The following MGMT variants were observed in gnomAD, a reference collection of about 807,000 sequenced individuals.
MGMT encodes methylated-DNA--protein-cysteine methyltransferase.
A neutral mutation model predicts 15.9 loss-of-function variants in MGMT; 14 were observed. The observed-to-expected ratio is 0.88, with a 90% CI of 0.58 to 1.37. MGMT has a LOEUF of 1.37. MGMT is among the 40% of genes most tolerant of loss of function. MGMT has a pLI of 0.00. For synonymous variants in MGMT, 130 were observed against 118.2 expected (o/e 1.10, Z -0.65); for missense variants, 282 against 268.1 (o/e 1.05, Z -0.36).
chr10:129,728,567 C>T (rs77506100), intron 3 of MGMT, among the ~76,000 whole-genome samples: 1,746 of 152,188 alleles, frequency 0.011, 21 homozygotes, highest in South Asian at 0.041. Context: ...TCTCATGGCC[C>T]GCTGTGTGGC....
At chr10:129,569,237 C>G (rs201544093) in intron 2 of MGMT, among the ~76,000 whole-genome samples, 1 of 151,938 alleles carries the variant, frequency 6.6e-6, no homozygotes, top group East Asian at 1.9e-4. Flanking sequence ...ACACCTGGCC[C>G]GGCTCCGGCG....
chr10:129,598,963 A>G (rs1013637848), intron 2 of MGMT, among the ~76,000 whole-genome samples: 1 of 152,008 alleles, frequency 6.6e-6, no homozygotes, highest in Non-Finnish European at 1.5e-5. Flanking sequence ...TCCCTTTTTT[A>G]TGTTCTTCTC....
intron 1 of MGMT, among the ~76,000 whole-genome samples, chr10:129,472,013 C>A (rs1050475732): frequency 6.6e-5 from 10 of 152,208 alleles, no homozygotes; most frequent in Non-Finnish European, 1.5e-4. Flanking sequence ...AAAACTTTGG[C>A]GTCAGTTTTA....
At chr10:129,631,433 A>G (rs1014708756) in intron 2 of MGMT, among the ~76,000 whole-genome samples, 8 of 152,264 alleles carry the variant, frequency 5.3e-5, no homozygotes, top group African/African-American at 1.9e-4. Flanking sequence ...GGTTGTTTAC[A>G]TTAATAACAA....
intron 3 of MGMT, among the ~76,000 whole-genome samples, chr10:129,741,646 C>T (rs531827813): frequency 6.6e-6 from 1 of 152,212 alleles, no homozygotes; most frequent in Admixed American, 6.5e-5. Context: ...CCACTGTGTT[C>T]GAGGAGGGAC....
At chr10:129,676,176 G>T (rs1847783555) in intron 2 of MGMT, among the ~76,000 whole-genome samples, 1 of 152,216 alleles carries the variant, frequency 6.6e-6, no homozygotes, top group African/African-American at 2.4e-5. Flanking sequence ...GGCAAGGCTG[G>T]ACTCACCCCC....
chr10:129,764,953 G>A (rs1351345721), intron 4 of MGMT, among the ~76,000 whole-genome samples: 1 of 152,024 alleles, frequency 6.6e-6, no homozygotes, highest in Non-Finnish European at 1.5e-5. Flanking sequence ...GGCAGTAAGC[G>A]ATCGTTAGGC....
At chr10:129,612,170 T>G (rs1006515199) in intron 2 of MGMT, among the ~76,000 whole-genome samples, 1 of 152,222 alleles carries the variant, frequency 6.6e-6, no homozygotes, top group Non-Finnish European at 1.5e-5. Context: ...TGAGTTTCTC[T>G]AAAGACCTGA....
chr10:129,467,261 C>T lies in MGMT; in HGVS notation c.-48C>T, dbSNP rs1285314333. ...CCTAGAACGCTTTGCGTCCCGACGCCCGCAGGTCCTCGCGGTGCGCACCGT... is the reference window on the plus strand; with the variant it reads ...CCTAGAACGCTTTGCGTCCCGACGCTCGCAGGTCCTCGCGGTGCGCACCGT... On this transcript the variant is annotated 5_prime_UTR_variant, in exon 1 of 5. Transcript: ENST00000651593. 3.9e-6 allele frequency: 6 copies of T among 1,544,976 alleles called. No individual in the cohort carries two copies. Among genetic ancestry groups the T allele is most frequent in the Admixed American group, 4.0e-5 (2 of 50,358 alleles).
chr10:129,691,089 G>A (rs879931538), intron 2 of MGMT, among the ~76,000 whole-genome samples: 3 of 152,234 alleles, frequency 2.0e-5, no homozygotes, highest in Non-Finnish European at 4.4e-5. Context: ...CATGGAGTGC[G>A]GGAGAACTTG....
At chr10:129,561,641 T>C (rs1351994382) in intron 2 of MGMT, among the ~76,000 whole-genome samples, 4 of 152,232 alleles carry the variant, frequency 2.6e-5, no homozygotes, top group Non-Finnish European at 4.4e-5. Context: ...CATGTAATTA[T>C]GCATGGAGAG....
rs1385002175 is a variant in MGMT, at chr10:129,769,942, C to T, written c.*2945C>T. Among the ~76,000 whole-genome samples, 2 of 152,116 alleles carry T rather than the reference C, an allele frequency of 1.3e-5. No homozygotes were observed. Among genetic ancestry groups the T allele is most frequent in the Non-Finnish European group, 2.9e-5 (2 of 68,030 alleles). ...TTCCAGATGTGAAGGTTGCAGGCAC[C>T]GGGCGTTGCAGAGGAAGTGGGCAAG... On this transcript the variant is annotated 3_prime_UTR_variant, in exon 5 of 5. Coordinates refer to ENST00000651593, the MANE Select transcript of MGMT (RefSeq NM_002412.5).
At chr10:129,608,263 C>T (rs897530109) in intron 2 of MGMT, among the ~76,000 whole-genome samples, 2 of 152,176 alleles carry the variant, frequency 1.3e-5, no homozygotes, top group African/African-American at 4.8e-5. Flanking sequence ...AATGCGTAGC[C>T]CGGAGCAGAG....
In MGMT at chr10:129,696,421, G is replaced by A. The variant is rs11594188; in HGVS notation, c.126-11474G>A. ...GTTCCGACTGCAGAGTCCTATCAAA[G>A]TAAGCAAAATTGGAAGTGATGCCCA... On this transcript the variant is annotated intron_variant, in intron 2 of 4. Transcript: ENST00000651593. Among the ~76,000 whole-genome samples, 448 of 152,262 alleles carry A rather than the reference G, an allele frequency of 2.9e-3. 4 individuals are homozygous for A. In the South Asian group the frequency reaches 0.03, roughly 10 times the overall value.
chr10:129,748,346 A>G (rs759839183), intron 3 of MGMT, among the ~76,000 whole-genome samples: 2 of 152,084 alleles, frequency 1.3e-5, no homozygotes, highest in Admixed American at 6.5e-5. Flanking sequence ...GAGATTGTGC[A>G]GTTTGCTCCT....
intron 3 of MGMT, among the ~76,000 whole-genome samples, chr10:129,710,228 T>TC (rs1848215932): frequency 6.6e-6 from 1 of 152,036 alleles, no homozygotes; most frequent in South Asian, 2.1e-4. Flanking sequence ...GCTGTCTGGC[T>TC]CCCCCGTGGC....
intron 2 of MGMT, among the ~76,000 whole-genome samples, chr10:129,595,962 C>T (rs544853129): frequency 1.3e-5 from 2 of 152,210 alleles, no homozygotes; most frequent in African/African-American, 2.4e-5. Context: ...GTAAGACATA[C>T]CTGTTTATAG....
chr10:129,583,530 G>A (rs1040698121), intron 2 of MGMT, among the ~76,000 whole-genome samples: 2 of 152,172 alleles, frequency 1.3e-5, no homozygotes, highest in African/African-American at 4.8e-5. Flanking sequence ...CCTTATCCCG[G>A]GTAGAAAGCC....
At chr10:129,739,194 A>G (rs557852703) in intron 3 of MGMT, among the ~76,000 whole-genome samples, 1 of 152,316 alleles carries the variant, frequency 6.6e-6, no homozygotes, top group South Asian at 2.1e-4. Flanking sequence ...CACAGCCAAT[A>G]TCATACTGAA....
Sources: gnomAD v4.1 joint callset for allele counts (sites outside exome capture counted in the v4.1 genomes callset) on GRCh38, gnomAD v4.1.1 for gene constraint, MANE v1.5 for transcripts, NCBI Gene and HGNC (gene_info 2026-07-23, HGNC 2026-07-21) for gene names.